The following MED13L variants were observed in gnomAD, a reference collection of about 807,000 sequenced individuals.
The protein encoded by MED13L is mediator of RNA polymerase II transcription subunit 13-like.
Under a neutral mutation model 220.9 loss-of-function variants are expected in MED13L, and 7 were observed. The ratio of observed to expected loss-of-function variants is 0.03; its 90% confidence interval spans 0.02 to 0.06. The LOEUF (loss-of-function observed/expected upper bound fraction) is 0.06, where lower values mean the gene tolerates loss of function less well. Among genes scored for constraint, MED13L ranks in the 10% least tolerant of loss-of-function variants. The pLI is 1.00. For synonymous variants in MED13L, 1,011 were observed against 1,015.2 expected (o/e 1.00, Z 0.08); for missense variants, 1,965 against 2,760.5 (o/e 0.71, Z 6.46).
At chr12:116,263,265 T>A (rs1462075955) in intron 1 of MED13L, among the ~76,000 whole-genome samples, 1 of 150,598 alleles carries the variant, frequency 6.6e-6, no homozygotes, top group Non-Finnish European at 1.5e-5. Flanking sequence ...TCTTTTATTA[T>A]GTAAAAAAAA....
intron 2 of MED13L, among the ~76,000 whole-genome samples, chr12:116,123,626 C>CCCCAT (rs1211824950): frequency 2.0e-5 from 3 of 152,064 alleles, no homozygotes; most frequent in Non-Finnish European, 4.4e-5. Context: ...CAGGGCAAGT[C>CCCCAT]CCCAAATTGC....
rs955385381 is a variant in MED13L, at chr12:116,195,203, T to C, written c.310+42265A>G. Among the ~76,000 whole-genome samples the C allele has an allele frequency of 2.0e-5, 3 of 151,786 alleles. No individual in the cohort carries two copies. In the South Asian group the frequency reaches 6.2e-4, roughly 32 times the overall value. On this transcript the variant is annotated intron_variant, in intron 2 of 30. Transcript: ENST00000281928. ...ACTGCCTGGCCAACTGGAACAAAGA[T>C]GCAGGTGTATCTACCATCAGTGGGA...
intron 23 of MED13L, among the ~76,000 whole-genome samples, chr12:115,976,797 T>C (rs1193259334): frequency 6.6e-6 from 1 of 152,182 alleles, no homozygotes; most frequent in Non-Finnish European, 1.5e-5. Flanking sequence ...TCAGCTAACT[T>C]CTACAAAAAA....
At chr12:116,004,704 C>T (rs954632211) in intron 13 of MED13L, among the ~76,000 whole-genome samples, 3 of 151,736 alleles carry the variant, frequency 2.0e-5, no homozygotes, top group African/African-American at 7.3e-5. Flanking sequence ...CCTCCCCCTT[C>T]CTCTCAATGA....
At chr12:116,204,130 C>G (rs1290662676) in intron 2 of MED13L, among the ~76,000 whole-genome samples, 1 of 152,218 alleles carries the variant, frequency 6.6e-6, no homozygotes, top group African/African-American at 2.4e-5. Context: ...AGTTTCTGCA[C>G]ATGAACCACA....
chr12:116,104,002 T>A (rs1320036018), intron 3 of MED13L, among the ~76,000 whole-genome samples: 7 of 97,056 alleles, frequency 7.2e-5, no homozygotes, highest in Admixed American at 6.4e-4. Context: ...CATTGCTCTT[T>A]TTTTTTTTTT....
intron 2 of MED13L, among the ~76,000 whole-genome samples, chr12:116,117,382 T>G (rs1271653050): frequency 6.6e-6 from 1 of 152,134 alleles, no homozygotes; most frequent in African/African-American, 2.4e-5. Flanking sequence ...CTGCATACAT[T>G]TGTGCAAACG....
chr12:116,201,354 G>A (rs1881993939), intron 2 of MED13L, among the ~76,000 whole-genome samples: 4 of 152,096 alleles, frequency 2.6e-5, no homozygotes, highest in Non-Finnish European at 5.9e-5. Context: ...AATAATAAAT[G>A]AAGAAACCCT....
chr12:116,235,438 G>A (rs564592555), intron 2 of MED13L, among the ~76,000 whole-genome samples: 2 of 152,182 alleles, frequency 1.3e-5, no homozygotes, highest in African/African-American at 2.4e-5. Flanking sequence ...TAGAAAAACT[G>A]TATGGTACCA....
At chr12:116,197,759 C>T (rs1881728426) in intron 2 of MED13L, among the ~76,000 whole-genome samples, 1 of 151,114 alleles carries the variant, frequency 6.6e-6, no homozygotes, top group Non-Finnish European at 1.5e-5. Flanking sequence ...GAGTGAAACT[C>T]CGTCTCAAAA....
rs1293820958 is a variant in MED13L at position 116,144,524 on chromosome 12, C to G, written c.311-33012G>C. ...ATAAAATCTTGGCTCAAAGCATGCT[C>G]AATATAAGTTCTGCATGTTTGTGGT... On this transcript the variant is annotated intron_variant, in intron 2 of 30. Coordinates refer to ENST00000281928, the MANE Select transcript of MED13L (RefSeq NM_015335.5). Among the ~76,000 whole-genome samples, 5 of 152,282 alleles carry G rather than the reference C, an allele frequency of 3.3e-5. No homozygotes were observed. The East Asian group carries it at 9.6e-4, about 29-fold the overall frequency.
At chr12:116,064,046 C>T (rs1869723139) in intron 4 of MED13L, among the ~76,000 whole-genome samples, 1 of 151,948 alleles carries the variant, frequency 6.6e-6, no homozygotes, top group African/African-American at 2.4e-5. Context: ...AAAAATTAGC[C>T]AGGTGTGGTG....
At chr12:116,058,257 A>T (rs565694319) in intron 4 of MED13L, among the ~76,000 whole-genome samples, 34 of 152,334 alleles carry the variant, frequency 2.2e-4, no homozygotes, top group African/African-American at 7.9e-4. Flanking sequence ...ATTCCTTTTA[A>T]GGCACACATC....
At chr12:116,026,055 A>AG (rs1566017373) in intron 4 of MED13L, among the ~76,000 whole-genome samples, 1 of 152,196 alleles carries the variant, frequency 6.6e-6, no homozygotes, top group Non-Finnish European at 1.5e-5. Context: ...AAAAAGAAAA[A>AG]GTAAGAGAAA....
At chr12:116,261,492 CAAAAAAAAA>C (rs35601745) in intron 1 of MED13L, among the ~76,000 whole-genome samples, 1 of 58,106 alleles carries the variant, frequency 1.7e-5, no homozygotes, top group East Asian at 5.4e-4. Context: ...AACTCAGTCT[CAAAAAAAAA>C]AAAAAAAAAA....
chr12:116,109,859 A>G (rs1329302737), intron 3 of MED13L, among the ~76,000 whole-genome samples: 3 of 152,236 alleles, frequency 2.0e-5, no homozygotes, highest in Non-Finnish European at 4.4e-5. Flanking sequence ...TTGGAGGAAC[A>G]CTCAGAGGAG....
chr12:116,228,499 T>G (rs1266109623), intron 2 of MED13L, among the ~76,000 whole-genome samples: 2 of 152,092 alleles, frequency 1.3e-5, no homozygotes, highest in Non-Finnish European at 2.9e-5. Flanking sequence ...TTTTCTTTTC[T>G]GCAGAGACAG....
intron 7 of MED13L, among the ~76,000 whole-genome samples, chr12:116,018,912 C>CAA (rs145679330): frequency 9.8e-5 from 14 of 143,346 alleles, no homozygotes; most frequent in African/African-American, 1.3e-4. Context: ...AAAAAAAAAA[C>CAA]AAAAAAAAAC....
At chr12:116,224,063 C>T (rs559024144) in intron 2 of MED13L, among the ~76,000 whole-genome samples, 5 of 152,142 alleles carry the variant, frequency 3.3e-5, no homozygotes, top group Non-Finnish European at 7.3e-5. Context: ...TTACGATGGT[C>T]CTGGAATTAC....
Sources: allele counts gnomAD v4.1 joint callset (sites outside exome capture counted in the v4.1 genomes callset), GRCh38; gene constraint gnomAD v4.1.1; transcripts MANE v1.5; gene names NCBI Gene and HGNC (gene_info 2026-07-23, HGNC 2026-07-21).